The following C8orf34 variants were observed in gnomAD, a reference collection of about 807,000 sequenced individuals.
The protein encoded by C8orf34 is uncharacterized protein C8orf34.
In C8orf34, 65 loss-of-function variants were observed where a neutral mutation model predicts 68.3. That is an observed-to-expected ratio of 0.95 (90% confidence interval 0.78 to 1.17). The LOEUF (loss-of-function observed/expected upper bound fraction) is 1.17. Ranked by LOEUF, C8orf34 falls within the 50% of genes most tolerant of loss-of-function variation. C8orf34 has a pLI of 0.00. For missense variants in C8orf34, 664 were observed against 655.4 expected, an observed-to-expected ratio of 1.01 and a Z score of -0.14; for synonymous variants, 244 against 241.2, an observed-to-expected ratio of 1.01 and a Z score of -0.11.
chr8:68,401,869 G>T (rs1289539878), intron 1 of C8orf34, among the ~76,000 whole-genome samples: 8 of 136,396 alleles, frequency 5.9e-5, no homozygotes. Context: ...TTTTGTGTGT[G>T]TGTGTGTGTG....
In C8orf34 at chr8:68,524,707, AT is replaced by A. The variant is rs1250816220; in HGVS notation, c.938+2739del. ...GGGAAAACATATACATTCATTGCAC[AT>A]TTAGAGTTATTAAAAATAATCCCAT... On this transcript the variant is annotated intron_variant, in intron 6 of 13. Coordinates refer to ENST00000518698, the MANE Select transcript of C8orf34 (RefSeq NM_052958.4). Among the ~76,000 whole-genome samples the A allele has an allele frequency of 1.4e-4, 22 of 152,336 alleles. No homozygotes were observed. In the South Asian group the frequency reaches 4.1e-3, roughly 29 times the overall value.
At chr8:68,498,042 G>C (rs1039389454) in intron 5 of C8orf34, among the ~76,000 whole-genome samples, 1 of 152,138 alleles carries the variant, frequency 6.6e-6, no homozygotes, top group African/African-American at 2.4e-5. Flanking sequence ...TGGTCAGGCT[G>C]CTCTCGACCT....
intron 1 of C8orf34, among the ~76,000 whole-genome samples, chr8:68,340,667 C>T (rs1176366987): frequency 6.6e-6 from 1 of 152,092 alleles, no homozygotes; most frequent in Non-Finnish European, 1.5e-5. Flanking sequence ...ATTTTGAAAA[C>T]TCCCCAAGAA....
At chr8:68,789,112 T>G (rs540576605) in intron 12 of C8orf34, among the ~76,000 whole-genome samples, 1 of 152,152 alleles carries the variant, frequency 6.6e-6, no homozygotes, top group East Asian at 1.9e-4. Flanking sequence ...ATATACATAA[T>G]CTCTCATTCT....
intron 2 of C8orf34, among the ~76,000 whole-genome samples, chr8:68,445,738 T>C (rs767615945): frequency 3.9e-5 from 6 of 152,192 alleles, no homozygotes; most frequent in Non-Finnish European, 8.8e-5. Context: ...TCCATGACAT[T>C]CATAGAATGT....
intron 10 of C8orf34, among the ~76,000 whole-genome samples, chr8:68,748,820 T>A (rs1474722850): frequency 2.0e-5 from 3 of 152,186 alleles, no homozygotes; most frequent in Non-Finnish European, 4.4e-5. Flanking sequence ...ATTGTGGAAG[T>A]CAGTGTGGCA....
intron 10 of C8orf34, among the ~76,000 whole-genome samples, chr8:68,722,473 G>T (rs1184807144): frequency 1.3e-5 from 2 of 151,994 alleles, no homozygotes; most frequent in African/African-American, 2.4e-5. Flanking sequence ...CAGATCATAG[G>T]ATTTGGTAAA....
chr8:68,565,983 G>T (rs1235662518), intron 7 of C8orf34, among the ~76,000 whole-genome samples: 1 of 152,108 alleles, frequency 6.6e-6, no homozygotes, highest in East Asian at 1.9e-4. Flanking sequence ...GGCTAAACAA[G>T]AGTTTTACTC....
intron 3 of C8orf34, among the ~76,000 whole-genome samples, chr8:68,451,596 G>A (rs1020987256): frequency 2.0e-4 from 31 of 151,970 alleles, no homozygotes; most frequent in African/African-American, 7.5e-4. Flanking sequence ...GAGAGGTGAG[G>A]GAATGGCTAG....
At chr8:68,381,403 C>G (rs1227193281) in intron 1 of C8orf34, among the ~76,000 whole-genome samples, 1 of 152,170 alleles carries the variant, frequency 6.6e-6, no homozygotes, top group Non-Finnish European at 1.5e-5. Flanking sequence ...ATTCCCACCA[C>G]TTGTATCTAA....
At chr8:68,433,595 T>C (rs948404758) in intron 1 of C8orf34, among the ~76,000 whole-genome samples, 4 of 152,338 alleles carry the variant, frequency 2.6e-5, no homozygotes, top group African/African-American at 9.6e-5. Context: ...ATGCTGGGTG[T>C]GTGCTGTGGT....
chr8:68,613,812 G>A (rs1039083270), intron 7 of C8orf34, among the ~76,000 whole-genome samples: 1 of 152,046 alleles, frequency 6.6e-6, no homozygotes, highest in African/African-American at 2.4e-5. Flanking sequence ...CCCAGTAATG[G>A]AATGGCTGGG....
intron 7 of C8orf34, among the ~76,000 whole-genome samples, chr8:68,537,953 A>T (rs911302405): frequency 5.3e-5 from 8 of 152,134 alleles, no homozygotes; most frequent in African/African-American, 1.9e-4. Flanking sequence ...CTTGTAAAAA[A>T]TTTCCAGTGG....
intron 1 of C8orf34, among the ~76,000 whole-genome samples, chr8:68,406,362 T>A (rs941507093): frequency 1.3e-5 from 2 of 152,142 alleles, no homozygotes; most frequent in African/African-American, 4.8e-5. Flanking sequence ...TTTCTGTTGA[T>A]GACCCAGTTG....
intron 1 of C8orf34, among the ~76,000 whole-genome samples, chr8:68,360,567 A>G (rs1055819944): frequency 3.3e-5 from 5 of 152,126 alleles, no homozygotes; most frequent in Non-Finnish European, 7.3e-5. Context: ...GCACTGAATC[A>G]TGGGATTAAT....
intron 4 of C8orf34, among the ~76,000 whole-genome samples, chr8:68,486,868 G>T (rs1307167724): frequency 6.6e-6 from 1 of 152,052 alleles, no homozygotes; most frequent in Non-Finnish European, 1.5e-5. Flanking sequence ...AAGTTCTCCT[G>T]GGCTTCAAAC....
In C8orf34 at chr8:68,751,411, A is replaced by ATT. The variant is rs544927727; in HGVS notation, c.1405-24984_1405-24983dup. On this transcript the variant is annotated intron_variant, in intron 10 of 13. Transcript: ENST00000518698. ...CAACAAGTTTCAGAGAAGGATTGTT[A>ATT]TTTTTAAATTACTTTAAGGACCAAG... 5.4e-3 allele frequency among the ~76,000 whole-genome samples: 819 copies of ATT among 152,300 alleles called. 10 individuals are homozygous for ATT. Among genetic ancestry groups the ATT allele is most frequent in the African/African-American group, 0.017 (726 of 41,564 alleles).
intron 1 of C8orf34, among the ~76,000 whole-genome samples, chr8:68,344,195 G>A (rs774407952): frequency 2.6e-5 from 4 of 152,224 alleles, no homozygotes; most frequent in Admixed American, 1.3e-4. Context: ...TTAAACAAAT[G>A]TGGGGCATCC....
chr8:68,439,287 T>A (rs1810795692), intron 1 of C8orf34: 1 of 418,272 alleles, frequency 2.4e-6, no homozygotes. Flanking sequence ...ATATTAGCTG[T>A]GTAATATAGA....
Sources: allele counts gnomAD v4.1 joint callset (sites outside exome capture counted in the v4.1 genomes callset), GRCh38; gene constraint gnomAD v4.1.1; transcripts MANE v1.5; gene names NCBI Gene and HGNC (gene_info 2026-07-23, HGNC 2026-07-21).